The following PTPRC variants were observed in gnomAD, a reference collection of about 807,000 sequenced individuals.
The protein encoded by PTPRC is receptor-type tyrosine-protein phosphatase C.
PTPRC carries 44 observed loss-of-function variants against 155.9 expected under a neutral mutation model. That is an observed-to-expected ratio of 0.28 (90% CI 0.22 to 0.36). The LOEUF (loss-of-function observed/expected upper bound fraction) is 0.36, where lower values mean the gene tolerates loss of function less well. PTPRC is among the 10% of genes least tolerant of loss of function. PTPRC has a pLI of 1.00. For missense variants in PTPRC, 1,401 were observed against 1,564.6 expected (o/e 0.90, Z 1.76); for synonymous variants, 525 against 533.1 (o/e 0.98, Z 0.21).
chr1:198,646,461 C>T (rs921892404), intron 2 of PTPRC, among the ~76,000 whole-genome samples: 9 of 151,550 alleles, frequency 5.9e-5, no homozygotes, highest in South Asian at 2.1e-4. Flanking sequence ...TTTTGGCTAC[C>T]GCTAGTTTAG....
At chr1:198,662,777 C>A (rs1427450543) in intron 2 of PTPRC, among the ~76,000 whole-genome samples, 1 of 152,196 alleles carries the variant, frequency 6.6e-6, no homozygotes, top group Non-Finnish European at 1.5e-5. Context: ...AGCTATTTGA[C>A]AGTTATGTTT....
intron 3 of PTPRC, chr1:198,694,940 T>C (rs950683088): frequency 2.9e-5 from 28 of 981,088 alleles, no homozygotes; most frequent in Middle Eastern, 1.0e-3. Flanking sequence ...TGGGTAAAAG[T>C]TTGATGGATT....
intron 4 of PTPRC, 25 bp from the exon 5 acceptor site, chr1:198,699,539 T>C: frequency 6.2e-7 from 1 of 1,614,050 alleles, no homozygotes; most frequent in Non-Finnish European, 8.5e-7. Flanking sequence ...AAGACTGATG[T>C]AATGATCTCA....
intron 3 of PTPRC, chr1:198,694,584 G>A: frequency 1.0e-6 from 1 of 986,734 alleles, no homozygotes; most frequent in Non-Finnish European, 1.2e-6. Context: ...TTCTCTCAAA[G>A]CAAAAGGGAT....
intron 2 of PTPRC, among the ~76,000 whole-genome samples, chr1:198,672,468 T>TGTTTG (rs1012871441): frequency 2.0e-5 from 3 of 152,100 alleles, no homozygotes; most frequent in Non-Finnish European, 4.4e-5. Flanking sequence ...TGTTGTTTTT[T>TGTTTG]GTTTGGTTTG....
At chr1:198,665,080 A>ATTTT (rs574626185) in intron 2 of PTPRC, among the ~76,000 whole-genome samples, 6 of 59,562 alleles carry the variant, frequency 1.0e-4, no homozygotes, top group Non-Finnish European at 1.8e-4. Context: ...TCCCGGCAGC[A>ATTTT]TTTTTTTTTT....
chr1:198,663,024 G>A (rs1664070895), intron 2 of PTPRC, among the ~76,000 whole-genome samples: 1 of 152,160 alleles, frequency 6.6e-6, no homozygotes, highest in African/African-American at 2.4e-5. Context: ...GGCCAAAGGG[G>A]AGATTGAGCA....
chr1:198,679,973 A>G, intron 2 of PTPRC: 1 of 624,802 alleles, frequency 1.6e-6, no homozygotes, highest in Non-Finnish European at 2.9e-6. Flanking sequence ...ACATGCAGCG[A>G]GTGCTGCGGC....
chr1:198,712,717 A>G (rs1162201725), intron 11 of PTPRC: 5 of 516,044 alleles, frequency 9.7e-6, no homozygotes, highest in Non-Finnish European at 1.7e-5. Flanking sequence ...GTTCTTAGAT[A>G]TCTTCAAGTC....
intron 12 of PTPRC, among the ~76,000 whole-genome samples, chr1:198,715,713 T>G (rs1373520133): frequency 6.6e-6 from 1 of 152,150 alleles, no homozygotes; most frequent in Non-Finnish European, 1.5e-5. Flanking sequence ...AATCAGATGA[T>G]AGTGAGTACC....
At chr1:198,721,158 C>T (rs1653867604) in intron 14 of PTPRC, among the ~76,000 whole-genome samples, 1 of 152,156 alleles carries the variant, frequency 6.6e-6, no homozygotes, top group Admixed American at 6.5e-5. Flanking sequence ...GCCATACCTT[C>T]TTATTATGCT....
At chr1:198,740,349 G>A (rs764731777) in intron 23 of PTPRC, among the ~76,000 whole-genome samples, 7 of 151,806 alleles carry the variant, frequency 4.6e-5, no homozygotes, top group East Asian at 1.9e-4. Flanking sequence ...AGGACAAGTC[G>A]GGTGTATCAT....
In PTPRC at chr1:198,742,358, T is replaced by C; in HGVS notation, c.2688T>C (p.Val896=). Residue 896 remains valine, a synonymous_variant, in exon 25 of 33, where the codon GTT becomes GTC. Coordinates refer to ENST00000442510, the MANE Select transcript of PTPRC (RefSeq NM_002838.5). ...VKLRRQRCLM[V]QVEAQYILIH... is the part of the protein sequence containing the mutation. ...TAAGGCGACAGAGATGCCTGATGGT[T>C]CAAGTAGAGGTATGTTCTAACCTTT... The C allele has an allele frequency of 6.2e-7, 1 of 1,612,056 alleles. No homozygotes were observed. Among genetic ancestry groups the C allele is most frequent in the East Asian group, 2.2e-5 (1 of 44,796 alleles).
chr1:198,642,958 T>C (rs1419362083), intron 2 of PTPRC, among the ~76,000 whole-genome samples: 2 of 150,772 alleles, frequency 1.3e-5, no homozygotes, highest in Non-Finnish European at 3.0e-5. Flanking sequence ...CTTTCTTTCT[T>C]TCTTTCTTTC....
At chr1:198,687,614 G>T (rs1444284056) in intron 2 of PTPRC, among the ~76,000 whole-genome samples, 1 of 151,942 alleles carries the variant, frequency 6.6e-6, no homozygotes, top group Non-Finnish European at 1.5e-5. Context: ...TGGGGGGGCG[G>T]GGTGTGGGGA....
intron 2 of PTPRC, among the ~76,000 whole-genome samples, chr1:198,643,204 T>TTGA (rs946741666): frequency 4.0e-5 from 6 of 151,634 alleles, no homozygotes; most frequent in Non-Finnish European, 8.8e-5. Flanking sequence ...GTGATGATGA[T>TTGA]TGATGATGAT....
intron 32 of PTPRC, 128 bp downstream of exon 32, chr1:198,754,532 C>CTATT: frequency 1.8e-6 from 2 of 1,109,520 alleles, no homozygotes; most frequent in East Asian, 2.5e-5. Context: ...TTTCTCTTCT[C>CTATT]TATTTTCTTT....
At chr1:198,727,214 A>G (rs139797561) in intron 15 of PTPRC, among the ~76,000 whole-genome samples, 1 of 152,244 alleles carries the variant, frequency 6.6e-6, no homozygotes, top group Admixed American at 6.5e-5. Context: ...AAATTTCCTG[A>G]AAACTAATAT....
At chr1:198,721,267 G>A (rs544468320) in intron 14 of PTPRC, among the ~76,000 whole-genome samples, 12 of 152,212 alleles carry the variant, frequency 7.9e-5, no homozygotes, top group Admixed American at 3.3e-4. Flanking sequence ...ATAAATTAAT[G>A]AAGTTGATTT....
Sources: gnomAD v4.1 joint callset for allele counts (sites outside exome capture counted in the v4.1 genomes callset) on GRCh38, gnomAD v4.1.1 for gene constraint, MANE v1.5 for transcripts, NCBI Gene and HGNC (gene_info 2026-07-23, HGNC 2026-07-21) for gene names.